The following PDZD2 variants were observed in gnomAD, a reference collection of about 807,000 sequenced individuals.
PDZD2 encodes the protein PDZ domain-containing protein 2.
PDZD2 carries 90 observed loss-of-function variants against 220.7 expected under a neutral mutation model. That is an observed-to-expected ratio of 0.41 (90% confidence interval 0.34 to 0.49). PDZD2 has a LOEUF of 0.49. Among genes scored for constraint, PDZD2 ranks in the 20% least tolerant of loss-of-function variants. The pLI is 0.28. For synonymous variants in PDZD2, 1,375 were observed against 1,450.5 expected (o/e 0.95, Z 1.18); for missense variants, 3,174 against 3,608.5 (o/e 0.88, Z 3.08).
In PDZD2 at chr5:32,109,872, A is replaced by C. The variant is rs1745206009; in HGVS notation, c.*1737A>C. Reference sequence around the variant, plus strand: ...GGCCTAGAGAGGTCCTTCAGATGAGAGAGAAATAGCTGGCTTGTCTGAGTC... The same window carrying C: ...GGCCTAGAGAGGTCCTTCAGATGAGCGAGAAATAGCTGGCTTGTCTGAGTC... On this transcript the variant is annotated 3_prime_UTR_variant, in exon 25 of 25. Coordinates refer to ENST00000438447, the MANE Select transcript of PDZD2 (RefSeq NM_178140.4). 1 of 152,690 alleles carries C rather than the reference A, an allele frequency of 6.5e-6. No homozygotes were observed. Among genetic ancestry groups the C allele is most frequent in the South Asian group, 2.1e-4 (1 of 4,828 alleles). 9.5% of individuals were successfully genotyped at this position (152,690 alleles called of 1,614,324 possible).
At chr5:31,991,546 G>A (rs1441745600) in intron 3 of PDZD2, among the ~76,000 whole-genome samples, 1 of 152,152 alleles carries the variant, frequency 6.6e-6, no homozygotes, top group African/African-American at 2.4e-5. Flanking sequence ...AAAAAGTCCA[G>A]TTTTGATTGT....
chr5:31,915,064 C>T (rs183871808), intron 2 of PDZD2, among the ~76,000 whole-genome samples: 1 of 152,286 alleles, frequency 6.6e-6, no homozygotes, highest in Admixed American at 6.5e-5. Flanking sequence ...CTTTTAGAAG[C>T]TGTAGGGGGT....
chr5:31,775,693 G>T lies in PDZD2; in HGVS notation c.-360-23196G>T, dbSNP rs569894824. Among the ~76,000 whole-genome samples the T allele has an allele frequency of 2.6e-4, 39 of 148,910 alleles. No homozygotes were observed. In the South Asian group the frequency reaches 3.2e-3, roughly 12 times the overall value. On this transcript the variant is annotated intron_variant, in intron 1 of 24. Coordinates refer to ENST00000438447, the MANE Select transcript of PDZD2 (RefSeq NM_178140.4). ...TGTGTGTGTGTGTGTGTGTGTGTGT[G>T]TGTGTGTGTGTGTAGTCATCTCCCA...
intron 1 of PDZD2, among the ~76,000 whole-genome samples, chr5:31,647,345 A>G (rs1441507552): frequency 1.3e-5 from 2 of 152,172 alleles, no homozygotes; most frequent in African/African-American, 4.8e-5. Flanking sequence ...CCCCATATTC[A>G]TTTCCTGGGG....
In PDZD2 at chr5:32,090,788, G is replaced by C. The variant is rs773299680; in HGVS notation, c.7340G>C (p.Gly2447Ala). 3.7e-6 allele frequency: 6 copies of C among 1,614,064 alleles called. No homozygotes were observed. Among genetic ancestry groups the C allele is most frequent in the Non-Finnish European group, 5.1e-6 (6 of 1,180,018 alleles). ...GSDSELKKSLGPLGIPTPTMT... is the reference protein window; with the variant it reads ...GSDSELKKSLAPLGIPTPTMT... ...GATTCGGAACTAAAGAAATCACTTG[G>C]TCCTTTGGGAATTCCCACCCCAACG... The change falls in exon 20 of 25, where the codon GGT becomes GCT. Residue 2447 changes from glycine to alanine, a missense_variant. Gly to Ala is a moderately conservative substitution (Grantham distance 60). Coordinates refer to ENST00000438447, the MANE Select transcript of PDZD2 (RefSeq NM_178140.4). This position sits in a 1 kb window ranked among gnomAD's most constrained non-coding sequence, Gnocchi z 4.3.
chr5:31,963,852 C>A (rs751086019), intron 2 of PDZD2, among the ~76,000 whole-genome samples: 41 of 152,210 alleles, frequency 2.7e-4, no homozygotes, highest in Admixed American at 7.2e-4. Flanking sequence ...TCCCCCAATG[C>A]CCAGCACCCA....
intron 5 of PDZD2, among the ~76,000 whole-genome samples, chr5:32,006,130 G>C (rs372498591): frequency 2.7e-5 from 4 of 147,710 alleles, no homozygotes; most frequent in Admixed American, 6.7e-5. Flanking sequence ...CTGGGTGACA[G>C]AGTGAGACTC....
At chr5:31,998,015 G>T (rs375156154) in intron 4 of PDZD2, among the ~76,000 whole-genome samples, 1 of 152,098 alleles carries the variant, frequency 6.6e-6, no homozygotes, top group East Asian at 1.9e-4. Flanking sequence ...GCTAATTTTT[G>T]TATTTTTAGT....
intron 1 of PDZD2, among the ~76,000 whole-genome samples, chr5:31,779,300 C>T (rs1401306141): frequency 6.6e-6 from 1 of 151,998 alleles, no homozygotes; most frequent in African/African-American, 2.4e-5. Context: ...TCTATCACCC[C>T]CAATTCCACC....
At chr5:32,004,712 G>A (rs888284443) in intron 5 of PDZD2, among the ~76,000 whole-genome samples, 15 of 152,190 alleles carry the variant, frequency 9.9e-5, no homozygotes, top group African/African-American at 2.9e-4. Flanking sequence ...GCTGCTTCTC[G>A]TGCACCAAGC....
intron 2 of PDZD2, among the ~76,000 whole-genome samples, chr5:31,805,544 C>T (rs1262009707): frequency 6.6e-6 from 1 of 152,170 alleles, no homozygotes; most frequent in African/African-American, 2.4e-5. Flanking sequence ...GGGGTCAACA[C>T]ACCAACTTAC....
chr5:31,957,456 G>A (rs555274148), intron 2 of PDZD2, among the ~76,000 whole-genome samples: 6 of 152,210 alleles, frequency 3.9e-5, no homozygotes, highest in South Asian at 2.1e-4. Context: ...AACTTAACAC[G>A]CATTACCGAA....
rs1278770438 is a variant in PDZD2 at position 32,037,252 on chromosome 5, C to T, written c.1429C>T (p.Gln477Ter). The T allele has an allele frequency of 1.2e-6, 2 of 1,613,076 alleles. No homozygotes were observed. The highest frequency in any genetic ancestry group is 1.7e-6 in the Non-Finnish European group (2 of 1,179,156). The stretch of plus-strand genomic sequence containing the variant: ...TCAGATGCCTGGGACAGATGAACCC[C>T]AAGATGTGTGCGGTGCTGAGGAATC... The part of the protein sequence containing the change: ...QRAMPGTDEP[Q>*]DVCGAEESKG... The change falls in exon 7 of 25, where the codon CAA becomes TAA. Residue 477 changes from glutamine (Q) to a stop codon, truncating the protein, a stop_gained. Coordinates refer to ENST00000438447, the MANE Select transcript of PDZD2 (RefSeq NM_178140.4). LOFTEE classifies it high-confidence loss of function.
intron 1 of PDZD2, among the ~76,000 whole-genome samples, chr5:31,691,652 C>T (rs1360229761): frequency 2.0e-5 from 3 of 152,162 alleles, no homozygotes; most frequent in African/African-American, 7.2e-5. Context: ...TCTGTTTTGA[C>T]AGGGCACTGA....
chr5:31,913,202 G>A (rs558085414), intron 2 of PDZD2, among the ~76,000 whole-genome samples: 10 of 152,266 alleles, frequency 6.6e-5, no homozygotes, highest in East Asian at 3.9e-4. Flanking sequence ...AACCCTGGGC[G>A]TGGTGGCACA....
intron 2 of PDZD2, among the ~76,000 whole-genome samples, chr5:31,869,653 C>T (rs1034120330): frequency 1.3e-5 from 2 of 152,196 alleles, no homozygotes; most frequent in Non-Finnish European, 2.9e-5. Context: ...GTCCTTTCCA[C>T]TTCAGTCACT....
At chr5:31,708,172 C>G (rs1428465194) in intron 1 of PDZD2, among the ~76,000 whole-genome samples, 2 of 152,200 alleles carry the variant, frequency 1.3e-5, no homozygotes, top group African/African-American at 4.8e-5. Flanking sequence ...TCTTTTGCAG[C>G]CTATTTATCT....
intron 6 of PDZD2, among the ~76,000 whole-genome samples, chr5:32,011,774 A>G (rs972818792): frequency 1.3e-5 from 2 of 152,172 alleles, no homozygotes; most frequent in African/African-American, 4.8e-5. Flanking sequence ...AGCTATATTT[A>G]AAGGGGGAAA....
chr5:32,027,485 A>G (rs1238939074), intron 6 of PDZD2, among the ~76,000 whole-genome samples: 1 of 152,224 alleles, frequency 6.6e-6, no homozygotes, highest in Non-Finnish European at 1.5e-5. Flanking sequence ...GAACAAGGGC[A>G]GTATTAATTC....
Sources: gnomAD v4.1 joint callset for allele counts (sites outside exome capture counted in the v4.1 genomes callset) on GRCh38, gnomAD v4.1.1 for gene constraint, Gnocchi (gnomAD v3.1) non-coding constraint, MANE v1.5 for transcripts, NCBI Gene and HGNC (gene_info 2026-07-23, HGNC 2026-07-21) for gene names.